The following TOR1AIP1 variants were observed in gnomAD, a reference collection of about 807,000 sequenced individuals.
TOR1AIP1 encodes the protein torsin-1A-interacting protein 1.
A neutral mutation model predicts 63.3 loss-of-function variants in TOR1AIP1; 54 were observed. The ratio of observed to expected loss-of-function variants is 0.85; its 90% CI spans 0.69 to 1.07. The LOEUF (loss-of-function observed/expected upper bound fraction) is 1.07, where lower values mean the gene tolerates loss of function less well. TOR1AIP1 is among the 50% of genes least tolerant of loss of function. The pLI, the probability that TOR1AIP1 is intolerant of heterozygous loss-of-function variation, is 0.00. For missense variants in TOR1AIP1, 736 were observed against 715.0 expected (o/e 1.03, Z -0.33); for synonymous variants, 294 against 273.5 (o/e 1.07, Z -0.74).
rs1649091920 is a variant in TOR1AIP1, at chr1:179,918,400, A to G, written c.*161A>G. 3.0e-6 allele frequency: 2 copies of G among 658,592 alleles called. No homozygotes were observed. Among genetic ancestry groups the G allele is most frequent in the Non-Finnish European group, 5.0e-6 (2 of 397,786 alleles). 40.8% of individuals were successfully genotyped at this position (658,592 alleles called of 1,614,324 possible). A position where few individuals can be genotyped will look rare whatever the true frequency, so the allele number is the denominator to read the frequency against. ...ACATATAAATCATTCATTCAACCTAATTATCTGTGATATGAGAGAATCATT... is the reference window on the plus strand; with the variant it reads ...ACATATAAATCATTCATTCAACCTAGTTATCTGTGATATGAGAGAATCATT... On this transcript the variant is annotated 3_prime_UTR_variant, in exon 10 of 10. Coordinates refer to ENST00000606911, the MANE Select transcript of TOR1AIP1 (RefSeq NM_015602.4).
chr1:179,908,551 G>T lies in TOR1AIP1; in HGVS notation c.839-54G>T, dbSNP rs939829247. On this transcript the variant is annotated intron_variant, in intron 7 of 9. Transcript: ENST00000606911. ...ATTAATTTTATAACACTGGAATATG[G>T]TATAAACTTTCAAAGTATGGGAAAT... The T allele has an allele frequency of 4.2e-6, 6 of 1,414,650 alleles. No individual in the cohort carries two copies. The East Asian group carries it at 1.4e-4, about 32-fold the overall frequency. The allele number at this position is 1,414,650 out of a possible 1,614,324, so 87.6% of individuals were successfully genotyped here.
At position 179,918,528 on chromosome 1, in the gene TOR1AIP1, T is replaced by A; in HGVS notation, c.*289T>A. The A allele has an allele frequency of 3.5e-6, 1 of 285,830 alleles. No homozygotes were observed. The highest frequency in any genetic ancestry group is 4.7e-5 in the Admixed American group (1 of 21,252). 17.7% of individuals were successfully genotyped at this position (285,830 alleles called of 1,614,324 possible). ...ATTCTGGGCTGAGTTATTACAGTTA[T>A]GGTATGACCAGTGAGAGGGATTTGT... On this transcript the variant is annotated 3_prime_UTR_variant, in exon 10 of 10. Transcript: ENST00000606911.
intron 3 of TOR1AIP1, among the ~76,000 whole-genome samples, chr1:179,892,214 A>G (rs1237245679): frequency 2.0e-5 from 3 of 152,184 alleles, no homozygotes; most frequent in South Asian, 4.1e-4. Flanking sequence ...GCTCACGCCT[A>G]TAATCCCAGC....
chr1:179,882,346 A>C lies in TOR1AIP1; in HGVS notation c.-157A>C. ...CCCAGAGGCAGGTTTGCTACACAGC[A>C]GCGACGACGCAGGCGGCGGCCCCAG... On this transcript the variant is annotated 5_prime_UTR_variant, in exon 1 of 10. Transcript: ENST00000606911. 1.5e-6 allele frequency: 1 copy of C among 673,424 alleles called. No homozygotes were observed. Among genetic ancestry groups the C allele is most frequent in the African/African-American group, 1.9e-5 (1 of 53,670 alleles). 41.7% of individuals were successfully genotyped at this position (673,424 alleles called of 1,614,324 possible).
intron 9 of TOR1AIP1, among the ~76,000 whole-genome samples, 177 bp from the exon 10 acceptor site, chr1:179,917,275 A>G (rs1649050294): frequency 6.6e-6 from 1 of 152,232 alleles, no homozygotes; most frequent in African/African-American, 2.4e-5. Context: ...CTATGCATGT[A>G]AGATTTTCTT....
chr1:179,889,479 A>T, intron 3 of TOR1AIP1, 110 bp downstream of exon 3: 2 of 872,890 alleles, frequency 2.3e-6, no homozygotes, highest in Non-Finnish European at 1.7e-6. Flanking sequence ...TACTGTAAAT[A>T]TACATTAAAA....
rs1004988083 is a variant in TOR1AIP1 at position 179,882,325 on chromosome 1, G to C, written c.-178G>C. On this transcript the variant is annotated 5_prime_UTR_variant, in exon 1 of 10. Coordinates refer to ENST00000606911, the MANE Select transcript of TOR1AIP1 (RefSeq NM_015602.4). ...GCCCTCAAGACACACCATGGGCCCA[G>C]AGGCAGGTTTGCTACACAGCAGCGA... is the stretch of plus-strand genomic sequence containing the variant. 3.7e-6 allele frequency: 2 copies of C among 543,550 alleles called. No individual in the cohort carries two copies. Among genetic ancestry groups the C allele is most frequent in the Admixed American group, 7.7e-5 (2 of 26,038 alleles). 33.7% of individuals were successfully genotyped at this position (543,550 alleles called of 1,614,324 possible). A position where few individuals can be genotyped will look rare whatever the true frequency, so the allele number is the denominator to read the frequency against.
In TOR1AIP1 at chr1:179,919,896, A is replaced by G. The variant is rs908630088; in HGVS notation, c.*1657A>G. On this transcript the variant is annotated 3_prime_UTR_variant, in exon 10 of 10. Coordinates refer to ENST00000606911, the MANE Select transcript of TOR1AIP1 (RefSeq NM_015602.4). Reference sequence around the variant, plus strand: ...CAGAGTTTTTGAAAAGGCTTATTTTATACATACGTATTATATAGAGAAACA... The same window carrying G: ...CAGAGTTTTTGAAAAGGCTTATTTTGTACATACGTATTATATAGAGAAACA... 2 of 152,212 alleles carry G rather than the reference A, an allele frequency of 1.3e-5. No individual in the cohort carries two copies. The highest frequency in any genetic ancestry group is 2.9e-5 in the Non-Finnish European group (2 of 68,036). 9.4% of individuals were successfully genotyped at this position (152,212 alleles called of 1,614,324 possible).
intron 1 of TOR1AIP1, among the ~76,000 whole-genome samples, chr1:179,884,217 T>A (rs1229617940): frequency 6.6e-6 from 1 of 152,184 alleles, no homozygotes; most frequent in Non-Finnish European, 1.5e-5. Context: ...TTGGTTTAAT[T>A]CAGTATTTTT....
At position 179,919,123 on chromosome 1, in the gene TOR1AIP1, G is replaced by T. The variant is rs537219655; in HGVS notation, c.*884G>T. ...TACTAAAAATACAAAAATTAGCTGG[G>T]CGTGGTGGTGCATGCCTGAAATCCC... is the stretch of plus-strand genomic sequence containing the variant. On this transcript the variant is annotated 3_prime_UTR_variant, in exon 10 of 10. Transcript: ENST00000606911. 4.0e-4 allele frequency: 61 copies of T among 152,318 alleles called. No individual in the cohort carries two copies. The highest frequency in any genetic ancestry group is 1.4e-3 in the African/African-American group (58 of 41,530). 9.4% of individuals were successfully genotyped at this position (152,318 alleles called of 1,614,324 possible). A position where few individuals can be genotyped will look rare whatever the true frequency, so the allele number is the denominator to read the frequency against.
At chr1:179,909,971 C>T (rs1181024126) in intron 8 of TOR1AIP1, among the ~76,000 whole-genome samples, 1 of 151,994 alleles carries the variant, frequency 6.6e-6, no homozygotes, top group Non-Finnish European at 1.5e-5. Flanking sequence ...GCCATGTTGG[C>T]CAGGTTGGTC....
At chr1:179,900,593 G>A (rs989002327) in intron 4 of TOR1AIP1, 1 of 151,592 alleles carries the variant, frequency 6.6e-6, no homozygotes, top group Non-Finnish European at 1.5e-5. Context: ...AAAGAAGTTA[G>A]AACAGAAAAT....
chr1:179,898,714 C>G (rs1648358609), intron 3 of TOR1AIP1, among the ~76,000 whole-genome samples: 1 of 151,966 alleles, frequency 6.6e-6, no homozygotes, highest in Non-Finnish European at 1.5e-5. Context: ...ATGTAAAACC[C>G]CATCTCTTGT....
chr1:179,907,042 T>C (rs2148479508), intron 6 of TOR1AIP1, among the ~76,000 whole-genome samples: 1 of 151,774 alleles, frequency 6.6e-6, no homozygotes, highest in Admixed American at 6.6e-5. Flanking sequence ...CAGCTGATTT[T>C]CCCTTATTTA....
chr1:179,883,022 G>A, intron 1 of TOR1AIP1, 45 bp downstream of exon 1: 2 of 1,560,074 alleles, frequency 1.3e-6, no homozygotes, highest in Non-Finnish European at 1.7e-6. Context: ...GCCAGGGAAC[G>A]CGCGGGGGCG....
intron 3 of TOR1AIP1, among the ~76,000 whole-genome samples, chr1:179,899,178 AT>A (rs1453692218): frequency 6.6e-6 from 1 of 152,178 alleles, no homozygotes; most frequent in Non-Finnish European, 1.5e-5. Context: ...AGAAGTCTAA[AT>A]CATGCTACTT....
chr1:179,897,118 ATATT>A (rs1296839821), intron 3 of TOR1AIP1, among the ~76,000 whole-genome samples: 2 of 152,202 alleles, frequency 1.3e-5, no homozygotes, highest in East Asian at 1.9e-4. Flanking sequence ...CTATTGATAA[ATATT>A]TATTGTTAGG....
intron 8 of TOR1AIP1, among the ~76,000 whole-genome samples, chr1:179,911,820 A>G (rs1648841414): frequency 6.6e-6 from 1 of 152,112 alleles, no homozygotes; most frequent in Non-Finnish European, 1.5e-5. Context: ...TTTAAAGTCT[A>G]AAATCTCATA....
intron 9 of TOR1AIP1, among the ~76,000 whole-genome samples, chr1:179,914,716 C>G (rs1227631083): frequency 6.6e-6 from 1 of 152,022 alleles, no homozygotes; most frequent in South Asian, 2.1e-4. Flanking sequence ...ATCACTTGAA[C>G]CCAGGAAGCG....
Sources: gnomAD v4.1 joint callset for allele counts (sites outside exome capture counted in the v4.1 genomes callset) on GRCh38, gnomAD v4.1.1 for gene constraint, MANE v1.5 for transcripts, NCBI Gene and HGNC (gene_info 2026-07-23, HGNC 2026-07-21) for gene names.